Variants in JMJD1C observed in about 807,000 individuals in gnomAD.
JMJD1C encodes jumonji domain containing 1C, also known as jumonji domain-containing protein 1C.
A neutral mutation model predicts 245.3 loss-of-function variants in JMJD1C; 31 were observed. The ratio of observed to expected loss-of-function variants is 0.13; its 90% CI spans 0.09 to 0.17. The LOEUF (loss-of-function observed/expected upper bound fraction) is 0.17. Among genes scored for constraint, JMJD1C ranks in the 10% least tolerant of loss-of-function variants. The pLI, the probability that JMJD1C is intolerant of heterozygous loss-of-function variation, is 1.00. For missense variants in JMJD1C, 2,691 were observed against 3,000.2 expected (o/e 0.90, Z 2.41); for synonymous variants, 1,057 against 1,017.4 (o/e 1.04, Z -0.74).
intron 1 of JMJD1C, among the ~76,000 whole-genome samples, chr10:63,443,401 T>C (rs753861421): frequency 4.9e-4 from 74 of 152,176 alleles, no homozygotes; most frequent in Non-Finnish European, 8.8e-4. Flanking sequence ...AACCTCTTCT[T>C]CCTGAGTCAA....
intron 22 of JMJD1C, among the ~76,000 whole-genome samples, chr10:63,180,407 G>C (rs1843331725): frequency 6.6e-6 from 1 of 152,196 alleles, no homozygotes; most frequent in Admixed American, 6.5e-5. Flanking sequence ...GAGTTAAAGA[G>C]GGTCCTAATA....
At chr10:63,433,345 C>CT (rs1490602631) in intron 1 of JMJD1C, among the ~76,000 whole-genome samples, 1 of 152,174 alleles carries the variant, frequency 6.6e-6, no homozygotes, top group Non-Finnish European at 1.5e-5. Flanking sequence ...ATCCGCTCGC[C>CT]TTGGCCTCCC....
chr10:63,298,120 C>CA (rs1859655852), intron 2 of JMJD1C, among the ~76,000 whole-genome samples: 1 of 152,210 alleles, frequency 6.6e-6, no homozygotes, highest in African/African-American at 2.4e-5. Flanking sequence ...AGCCAGTATG[C>CA]CTGGCTGTGC....
intron 1 of JMJD1C, among the ~76,000 whole-genome samples, chr10:63,453,762 A>G (rs2133039611): frequency 6.6e-6 from 1 of 152,290 alleles, no homozygotes; most frequent in South Asian, 2.1e-4. Flanking sequence ...GTTTTGAGAT[A>G]GAGTCTCGCT....
chr10:63,502,823 C>T (rs1202193956), intron 1 of JMJD1C, among the ~76,000 whole-genome samples: 5 of 152,034 alleles, frequency 3.3e-5, no homozygotes, highest in African/African-American at 7.2e-5. Context: ...TCAATTCTTA[C>T]GGATAAAAAG....
In JMJD1C at chr10:63,231,536, G is replaced by GT. The variant is rs551713496; in HGVS notation, c.448-11554dup. 3.0e-3 allele frequency among the ~76,000 whole-genome samples: 456 copies of GT among 152,306 alleles called. 3 individuals carry two copies. Among genetic ancestry groups the GT allele is most frequent in the African/African-American group, 0.01 (431 of 41,564 alleles). ...AGGCCGGGCACAGTGGCTCATGCCT[G>GT]TAATTCCAGCACTTTGGGAGGCCAC... On this transcript the variant is annotated intron_variant, in intron 3 of 25. Transcript: ENST00000399262.
intron 1 of JMJD1C, among the ~76,000 whole-genome samples, chr10:63,387,828 G>A (rs1299492545): frequency 6.6e-6 from 1 of 151,184 alleles, no homozygotes; most frequent in Non-Finnish European, 1.5e-5. Flanking sequence ...GTAGAGACGG[G>A]GTTTCACCGT....
intron 2 of JMJD1C, among the ~76,000 whole-genome samples, chr10:63,292,143 G>GTTTTTTTTTTTTTTTTTTTTTTTTTTTT (rs1396774570): frequency 7.4e-5 from 1 of 13,516 alleles, no homozygotes. Flanking sequence ...TGTAGAGACA[G>GTTTTTTTTTTTTTTTTTTTTTTTTTTTT]ATTTTTTTTT....
At chr10:63,182,446 G>A (rs1307303141) in intron 22 of JMJD1C, among the ~76,000 whole-genome samples, 2 of 152,184 alleles carry the variant, frequency 1.3e-5, no homozygotes, top group African/African-American at 4.8e-5. Flanking sequence ...TATGGAATAA[G>A]ACTGCAATGA....
intron 1 of JMJD1C, among the ~76,000 whole-genome samples, chr10:63,449,703 T>C (rs931908190): frequency 1.3e-5 from 2 of 152,138 alleles, no homozygotes; most frequent in African/African-American, 4.8e-5. Context: ...CACTGGAGAA[T>C]ATTTAAAAAA....
intron 1 of JMJD1C, among the ~76,000 whole-genome samples, chr10:63,417,003 T>C (rs547850956): frequency 6.6e-6 from 1 of 152,208 alleles, no homozygotes; most frequent in Non-Finnish European, 1.5e-5. Context: ...AGAATCACTT[T>C]GCAACTAATT....
At chr10:63,209,687 A>G (rs1049826901) in intron 8 of JMJD1C, among the ~76,000 whole-genome samples, 23 of 152,240 alleles carry the variant, frequency 1.5e-4, no homozygotes, top group African/African-American at 5.5e-4. Flanking sequence ...AACTTTTCCA[A>G]TGTAACAATT....
intron 2 of JMJD1C, among the ~76,000 whole-genome samples, chr10:63,286,401 C>G (rs1395375546): frequency 6.6e-6 from 1 of 152,184 alleles, no homozygotes; most frequent in African/African-American, 2.4e-5. Flanking sequence ...GTTGCTTCAG[C>G]CATTGCGACC....
At chr10:63,204,647 A>T (rs958569626) in intron 10 of JMJD1C, 1 of 985,296 alleles carries the variant, frequency 1.0e-6, no homozygotes, top group Non-Finnish European at 1.2e-6. Flanking sequence ...ACATAAGAAA[A>T]AGCAACACTG....
chr10:63,427,624 A>G, intron 1 of JMJD1C: 1 of 1,380,600 alleles, frequency 7.2e-7, no homozygotes, highest in Non-Finnish European at 1.0e-6. Flanking sequence ...GGTGGTGGAG[A>G]AACAGTGTGT....
At chr10:63,339,953 G>C (rs1209546399) in intron 2 of JMJD1C, among the ~76,000 whole-genome samples, 1 of 152,148 alleles carries the variant, frequency 6.6e-6, no homozygotes, top group Non-Finnish European at 1.5e-5. Context: ...CCAGCTACTT[G>C]AGAGGCTGAG....
At chr10:63,244,144 G>A (rs549731327) in intron 3 of JMJD1C, among the ~76,000 whole-genome samples, 3 of 152,296 alleles carry the variant, frequency 2.0e-5, no homozygotes, top group Admixed American at 2.0e-4. Context: ...TGGAAACTCT[G>A]CTCCATAAAT....
chr10:63,270,220 G>A (rs902588742), intron 2 of JMJD1C, among the ~76,000 whole-genome samples: 13 of 152,130 alleles, frequency 8.5e-5, no homozygotes, highest in Admixed American at 3.3e-4. Context: ...AGGCTGGAGC[G>A]CAGTGGCATG....
intron 2 of JMJD1C, among the ~76,000 whole-genome samples, chr10:63,271,548 C>T (rs903597163): frequency 1.3e-5 from 2 of 151,844 alleles, no homozygotes; most frequent in Admixed American, 6.6e-5. Flanking sequence ...AAAATTCATG[C>T]TAATTAAAAA....
Sources: gnomAD v4.1 joint callset for allele counts (sites outside exome capture counted in the v4.1 genomes callset) on GRCh38, gnomAD v4.1.1 for gene constraint, MANE v1.5 for transcripts, NCBI Gene and HGNC (gene_info 2026-07-23, HGNC 2026-07-21) for gene names.